RBFOX1: variants seen among roughly 807,000 people sequenced by gnomAD.
RBFOX1 encodes the protein RNA binding protein fox-1 homolog 1.
In RBFOX1, 8 loss-of-function variants were observed where a neutral mutation model predicts 57.7. The observed-to-expected ratio is 0.14, with a 90% CI of 0.08 to 0.25. RBFOX1 has a LOEUF of 0.25. Among genes scored for constraint, RBFOX1 ranks in the 10% least tolerant of loss-of-function variants. RBFOX1 has a pLI of 1.00. For missense variants in RBFOX1, 611 were observed against 548.5 expected (o/e 1.11, Z -1.14); for synonymous variants, 326 against 222.4 (o/e 1.47, Z -4.15).
At chr16:6,021,004 G>A (rs2152351484) in intron 1 of RBFOX1, among the ~76,000 whole-genome samples, 1 of 152,302 alleles carries the variant, frequency 6.6e-6, no homozygotes, top group African/African-American at 2.4e-5. Context: ...GAGCTGGGGT[G>A]CACCTGCTGG....
At chr16:7,414,951 G>A (rs2098464512) in intron 4 of RBFOX1, among the ~76,000 whole-genome samples, 1 of 152,170 alleles carries the variant, frequency 6.6e-6, no homozygotes, top group African/African-American at 2.4e-5. Flanking sequence ...GATTATGCAA[G>A]GGAAGGTGTT....
chr16:6,315,893 T>C (rs2081059119), intron 1 of RBFOX1, among the ~76,000 whole-genome samples: 1 of 152,162 alleles, frequency 6.6e-6, no homozygotes, highest in Non-Finnish European at 1.5e-5. Context: ...TATATCCACA[T>C]ACATACACAT....
intron 3 of RBFOX1, among the ~76,000 whole-genome samples, chr16:6,966,972 A>C (rs939858416): frequency 6.6e-5 from 10 of 151,894 alleles, no homozygotes; most frequent in Admixed American, 2.0e-4. Context: ...CTATATAGAC[A>C]TTCATCCATC....
At chr16:5,966,997 G>T (rs1159150624) in intron 4 of RBFOX1, among the ~76,000 whole-genome samples, 1 of 138,010 alleles carries the variant, frequency 7.2e-6, no homozygotes, top group Non-Finnish European at 1.6e-5. Context: ...AAATCGGGGG[G>T]GGGGGGGTCA....
chr16:5,828,227 T>C (rs2056143102), intron 3 of RBFOX1, among the ~76,000 whole-genome samples: 1 of 152,076 alleles, frequency 6.6e-6, no homozygotes, highest in African/African-American at 2.4e-5. Context: ...ATCTGTCCAT[T>C]CAACCACCCA....
At chr16:6,575,041 TAAAAAAAAA>T (rs60159843) in intron 2 of RBFOX1, among the ~76,000 whole-genome samples, 2 of 142,180 alleles carry the variant, frequency 1.4e-5, no homozygotes, top group Non-Finnish European at 3.0e-5. Flanking sequence ...CCGTCTCAAT[TAAAAAAAAA>T]AAAAAAAAAA....
intron 3 of RBFOX1, among the ~76,000 whole-genome samples, chr16:6,768,509 A>G (rs2077739322): frequency 1.3e-5 from 2 of 151,972 alleles, no homozygotes; most frequent in African/African-American, 2.4e-5. Context: ...GAAAACTACT[A>G]TGAATAGTAT....
intron 3 of RBFOX1, among the ~76,000 whole-genome samples, chr16:5,617,080 C>T (rs2048049887): frequency 6.6e-6 from 1 of 151,654 alleles, no homozygotes; most frequent in African/African-American, 2.4e-5. Context: ...ATCTAGCCAT[C>T]CATTCCCTCC....
intron 4 of RBFOX1, among the ~76,000 whole-genome samples, chr16:7,072,635 G>C (rs983776528): frequency 3.9e-5 from 6 of 152,322 alleles, no homozygotes; most frequent in African/African-American, 1.4e-4. Flanking sequence ...CCTAGGAAGA[G>C]ATTTCAGAAT....
At chr16:5,998,681 G>A (rs17646218) in intron 4 of RBFOX1, among the ~76,000 whole-genome samples, 69,879 of 152,020 alleles carry the variant, frequency 0.46, 16,602 homozygotes, top group Non-Finnish European at 0.53. Context: ...CGTCCCATCC[G>A]AATGTCCTTT....
chr16:6,189,402 C>G (rs922573747), intron 1 of RBFOX1, among the ~76,000 whole-genome samples: 4 of 152,196 alleles, frequency 2.6e-5, no homozygotes, highest in African/African-American at 4.8e-5. Context: ...ATAAACTCCT[C>G]AGCTGTTAAT....
chr16:6,226,294 A>G (rs566914153), intron 1 of RBFOX1, among the ~76,000 whole-genome samples: 3 of 145,680 alleles, frequency 2.1e-5, no homozygotes, highest in African/African-American at 7.6e-5. Context: ...AATCACTTGA[A>G]CCCGGGAGGT....
At chr16:6,757,126 A>C (rs756766168) in intron 3 of RBFOX1, among the ~76,000 whole-genome samples, 1 of 152,234 alleles carries the variant, frequency 6.6e-6, no homozygotes, top group Non-Finnish European at 1.5e-5. Context: ...TAGAACGACT[A>C]TTATCAAAAA....
At chr16:7,461,811 A>G in intron 4 of RBFOX1, among the ~76,000 whole-genome samples, 1 of 54,074 alleles carries the variant, frequency 1.8e-5, no homozygotes. Flanking sequence ...GCATCCTCTC[A>G]TATCTCTTAG....
chr16:6,438,942 G>A (rs1301992527), intron 2 of RBFOX1, among the ~76,000 whole-genome samples: 1 of 152,176 alleles, frequency 6.6e-6, no homozygotes, highest in Non-Finnish European at 1.5e-5. Context: ...TGATGATTTA[G>A]TGTATGACAT....
At chr16:5,715,402 C>A (rs1447058098) in intron 3 of RBFOX1, among the ~76,000 whole-genome samples, 1 of 152,186 alleles carries the variant, frequency 6.6e-6, no homozygotes, top group Non-Finnish European at 1.5e-5. Context: ...TGGGGACATT[C>A]AGTTGACATG....
chr16:6,066,126 T>A (rs1347770666), intron 1 of RBFOX1, among the ~76,000 whole-genome samples: 3 of 151,674 alleles, frequency 2.0e-5, no homozygotes, highest in African/African-American at 7.3e-5. Flanking sequence ...AAACCCCCTC[T>A]CTACTAAAAA....
intron 3 of RBFOX1, among the ~76,000 whole-genome samples, chr16:5,630,054 G>C (rs1210122131): frequency 2.6e-5 from 4 of 152,168 alleles, no homozygotes; most frequent in Admixed American, 6.5e-5. Context: ...ATACATATCA[G>C]GATTCTCTGT....
intron 1 of RBFOX1, among the ~76,000 whole-genome samples, chr16:6,107,026 C>T (rs573456659): frequency 6.6e-6 from 1 of 152,330 alleles, no homozygotes; most frequent in African/African-American, 2.4e-5. Context: ...CCATTTAGAA[C>T]ATTCGAGTGA....
Sources: gnomAD v4.1 joint callset for allele counts (sites outside exome capture counted in the v4.1 genomes callset) on GRCh38, gnomAD v4.1.1 for gene constraint, MANE v1.5 for transcripts, NCBI Gene and HGNC (gene_info 2026-07-23, HGNC 2026-07-21) for gene names.